Variants in ERBB4 observed in about 807,000 individuals in gnomAD.
The protein encoded by ERBB4 is receptor tyrosine-protein kinase erbB-4.
Under a neutral mutation model 158.0 loss-of-function variants are expected in ERBB4, and 42 were observed. The ratio of observed to expected loss-of-function variants is 0.27; its 90% CI spans 0.21 to 0.34. The LOEUF (loss-of-function observed/expected upper bound fraction) is 0.34. Among genes scored for constraint, ERBB4 ranks in the 10% least tolerant of loss-of-function variants. The probability of loss-of-function intolerance (pLI) is 1.00; values close to 1 mark genes in which losing one functional copy is unlikely to be tolerated. For missense variants in ERBB4, 1,333 were observed against 1,624.1 expected (o/e 0.82, Z 3.08); for synonymous variants, 583 against 558.7 (o/e 1.04, Z -0.61).
Position 212,027,493 on chromosome 2 carries a change from G to A in ERBB4, c.235-79877C>T, listed in dbSNP as rs539209324. On this transcript the variant is annotated intron_variant, in intron 2 of 27. Transcript: ENST00000342788. ...TGTTATTTTTACTACATAAACAAGAGATCCAAGCACAGTGCTTATCATTGA... is the reference window on the plus strand; with the variant it reads ...TGTTATTTTTACTACATAAACAAGAAATCCAAGCACAGTGCTTATCATTGA... 5.3e-5 allele frequency among the ~76,000 whole-genome samples: 8 copies of A among 152,148 alleles called. No individual in the cohort carries two copies. The South Asian group carries it at 1.0e-3, about 20-fold the overall frequency.
chr2:212,478,777 C>T (rs2106150644), intron 1 of ERBB4, among the ~76,000 whole-genome samples: 1 of 152,070 alleles, frequency 6.6e-6, no homozygotes, highest in South Asian at 2.1e-4. Flanking sequence ...GATAAGGTCA[C>T]CAGTTTCTCA....
intron 1 of ERBB4, among the ~76,000 whole-genome samples, chr2:212,376,705 G>C (rs959434836): frequency 6.6e-6 from 1 of 151,952 alleles, no homozygotes; most frequent in Non-Finnish European, 1.5e-5. Context: ...AGACTGCATT[G>C]ACATTCTTAA....
chr2:211,577,858 C>A (rs1017614289), intron 19 of ERBB4, among the ~76,000 whole-genome samples: 3 of 152,032 alleles, frequency 2.0e-5, no homozygotes, highest in Non-Finnish European at 4.4e-5. Context: ...CAGTATCATA[C>A]CAAATGGGCA....
intron 19 of ERBB4, among the ~76,000 whole-genome samples, chr2:211,583,859 C>T (rs1376851374): frequency 2.7e-5 from 4 of 150,732 alleles, no homozygotes; most frequent in African/African-American, 9.8e-5. Flanking sequence ...TCAACGTTCC[C>T]CGGAAATAAG....
chr2:212,129,003 G>T (rs541056995), intron 1 of ERBB4, among the ~76,000 whole-genome samples: 1 of 151,932 alleles, frequency 6.6e-6, no homozygotes, highest in South Asian at 2.1e-4. Flanking sequence ...CTAATAAAAT[G>T]ACTGTTGAGA....
intron 1 of ERBB4, among the ~76,000 whole-genome samples, chr2:212,214,824 T>C (rs2083048651): frequency 6.6e-6 from 1 of 151,718 alleles, no homozygotes; most frequent in African/African-American, 2.4e-5. Context: ...TGCTCTACTG[T>C]TTGTAATAGC....
chr2:211,722,609 G>T lies in ERBB4; in HGVS notation c.742-75C>A. 2.8e-6 allele frequency: 4 copies of T among 1,437,396 alleles called. No homozygotes were observed. The South Asian group carries it at 3.5e-5, about 13-fold the overall frequency. 89.0% of individuals were successfully genotyped at this position (1,437,396 alleles called of 1,614,324 possible). On this transcript the variant is annotated intron_variant, in intron 6 of 27. Coordinates refer to ENST00000342788, the MANE Select transcript of ERBB4 (RefSeq NM_005235.3). The stretch of plus-strand genomic sequence containing the variant: ...TGTTAATGAAACGCTGCCAAAACAG[G>T]AGAAGTTTTTTTCTATAATAATTCC...
intron 20 of ERBB4, among the ~76,000 whole-genome samples, chr2:211,511,062 C>T (rs1456202328): frequency 2.0e-5 from 3 of 151,788 alleles, no homozygotes; most frequent in Non-Finnish European, 4.4e-5. Context: ...GGTAAGAATG[C>T]TTATTGGAGT....
intron 15 of ERBB4, among the ~76,000 whole-genome samples, chr2:211,659,109 T>C (rs1366064900): frequency 6.6e-6 from 1 of 152,136 alleles, no homozygotes; most frequent in Non-Finnish European, 1.5e-5. Context: ...GGCCAGTCTA[T>C]CCATTATATA....
intron 1 of ERBB4, among the ~76,000 whole-genome samples, chr2:212,172,843 T>C (rs1209111442): frequency 1.3e-5 from 2 of 152,074 alleles, no homozygotes; most frequent in African/African-American, 4.8e-5. Flanking sequence ...CTGGGCTTAA[T>C]ACCTGGGTGA....
chr2:212,106,713 G>A (rs2079239021), intron 2 of ERBB4, among the ~76,000 whole-genome samples: 1 of 152,204 alleles, frequency 6.6e-6, no homozygotes, highest in Non-Finnish European at 1.5e-5. Context: ...AGGCCTAGGA[G>A]GGAAAAATGG....
At chr2:212,252,562 TAG>T (rs1464997951) in intron 1 of ERBB4, among the ~76,000 whole-genome samples, 1 of 151,990 alleles carries the variant, frequency 6.6e-6, no homozygotes, top group Non-Finnish European at 1.5e-5. Flanking sequence ...GGAGCAAAAT[TAG>T]AGATAGTGAA....
chr2:211,392,150 T>A (rs928730953), intron 25 of ERBB4, among the ~76,000 whole-genome samples: 2 of 152,178 alleles, frequency 1.3e-5, no homozygotes, highest in African/African-American at 4.8e-5. Flanking sequence ...TGCTTAACAC[T>A]CTGATGAGCA....
At chr2:212,442,225 T>C (rs2092269209) in intron 1 of ERBB4, among the ~76,000 whole-genome samples, 2 of 152,062 alleles carry the variant, frequency 1.3e-5, no homozygotes, top group Non-Finnish European at 2.9e-5. Flanking sequence ...AGGAGAAAAC[T>C]TCTAGGTTGA....
rs1401531082 is a variant in ERBB4 at position 211,543,019 on chromosome 2, T to C, written c.2487+18884A>G. ...TAAGGCGATCCATATTTTTCCTGCC[T>C]GTGTTATATGTGTTTTGGGGATAGA... On this transcript the variant is annotated intron_variant, in intron 20 of 27. Coordinates refer to ENST00000342788, the MANE Select transcript of ERBB4 (RefSeq NM_005235.3). 5.9e-5 allele frequency among the ~76,000 whole-genome samples: 9 copies of C among 152,102 alleles called. No individual in the cohort carries two copies. In the East Asian group the frequency reaches 1.7e-3, roughly 29 times the overall value.
At chr2:212,000,949 G>A (rs2076089072) in intron 2 of ERBB4, among the ~76,000 whole-genome samples, 1 of 151,834 alleles carries the variant, frequency 6.6e-6, no homozygotes, top group Admixed American at 6.6e-5. Flanking sequence ...AAGAAAGAGA[G>A]AACATTTTGA....
At chr2:212,530,193 G>C (rs1293530800) in intron 1 of ERBB4, among the ~76,000 whole-genome samples, 5 of 152,046 alleles carry the variant, frequency 3.3e-5, no homozygotes, top group African/African-American at 7.2e-5. Context: ...CCCTGCCTGA[G>C]GTTTCTAAGG....
Position 211,376,151 on chromosome 2 carries a change from C to A in ERBB4, c.*7464G>T, listed in dbSNP as rs899522929. ...AATCAAAATAACATTACACCACACA[C>A]AATTGGCATATCCTATTGTGTAAGC... On this transcript the variant is annotated 3_prime_UTR_variant, in exon 28 of 28. Coordinates refer to ENST00000342788, the MANE Select transcript of ERBB4 (RefSeq NM_005235.3). 10 of 233,024 alleles carry A rather than the reference C, an allele frequency of 4.3e-5. No homozygotes were observed. Among genetic ancestry groups the A allele is most frequent in the African/African-American group, 2.0e-4 (9 of 45,282 alleles). 14.4% of individuals were successfully genotyped at this position (233,024 alleles called of 1,614,324 possible).
At chr2:212,221,043 C>A (rs868186231) in intron 1 of ERBB4, among the ~76,000 whole-genome samples, 1 of 151,466 alleles carries the variant, frequency 6.6e-6, no homozygotes, top group African/African-American at 2.4e-5. Flanking sequence ...TCCACACAAC[C>A]TCCCTACTTA....
Sources: allele counts gnomAD v4.1 joint callset (sites outside exome capture counted in the v4.1 genomes callset), GRCh38; gene constraint gnomAD v4.1.1; transcripts MANE v1.5; gene names NCBI Gene and HGNC (gene_info 2026-07-23, HGNC 2026-07-21).